NWD1: variants seen among roughly 807,000 people sequenced by gnomAD.
NWD1 encodes the protein NACHT and WD repeat domain containing 1, also known as NACHT domain- and WD repeat-containing protein 1.
A neutral mutation model predicts 135.1 loss-of-function variants in NWD1; 129 were observed. That is an observed-to-expected ratio of 0.96 (90% CI 0.83 to 1.11). NWD1 has a LOEUF of 1.11. NWD1 is among the 50% of genes least tolerant of loss of function. The pLI, the probability that NWD1 is intolerant of heterozygous loss-of-function variation, is 0.00. For missense variants in NWD1, 1,740 were observed against 1,851.3 expected (o/e 0.94, Z 1.10); for synonymous variants, 773 against 786.0 (o/e 0.98, Z 0.28).
Position 16,761,991 on chromosome 19 carries a change from G to A in NWD1, c.1986G>A (p.Glu662=). The A allele has an allele frequency of 6.2e-7, 1 of 1,614,006 alleles. No individual in the cohort carries two copies. Among genetic ancestry groups the A allele is most frequent in the Non-Finnish European group, 8.5e-7 (1 of 1,179,944 alleles). Residue 662 remains glutamate (E), a synonymous_variant, in exon 8 of 19, where the codon GAG becomes GAA. Coordinates refer to ENST00000524140, the MANE Select transcript of NWD1 (RefSeq NM_001007525.5). ...ACCCTCTCTGTAGACAGCTGGTCGA[G>A]GTGGTCCGTGAGCGCTACCTGTCAG... ...LLAIAHRQLV[E]VVRERYLSGS... is the part of the protein sequence containing the mutation.
intron 3 of NWD1, among the ~76,000 whole-genome samples, chr19:16,734,956 G>T (rs890141130): frequency 4.6e-5 from 7 of 151,806 alleles, no homozygotes; most frequent in Non-Finnish European, 1.0e-4. Context: ...TAGAGATGAG[G>T]TCTTGCTACA....
chr19:16,767,692 C>G (rs1969275446), intron 10 of NWD1, among the ~76,000 whole-genome samples: 1 of 152,004 alleles, frequency 6.6e-6, no homozygotes, highest in South Asian at 2.1e-4. Flanking sequence ...CCCCCATGAT[C>G]CAATCACCTC....
chr19:16,730,534 T>C (rs1049105376), intron 2 of NWD1, among the ~76,000 whole-genome samples: 1 of 151,732 alleles, frequency 6.6e-6, no homozygotes, highest in African/African-American at 2.4e-5. Flanking sequence ...GAAAACATAG[T>C]GAGACTCCTT....
At chr19:16,802,137 A>G (rs1373117998) in intron 17 of NWD1, among the ~76,000 whole-genome samples, 1 of 151,918 alleles carries the variant, frequency 6.6e-6, no homozygotes, top group Non-Finnish European at 1.5e-5. Context: ...TACAAAAATT[A>G]GCCGGACGTG....
chr19:16,775,011 C>T (rs1157119489), intron 11 of NWD1, among the ~76,000 whole-genome samples: 1 of 152,130 alleles, frequency 6.6e-6, no homozygotes. Context: ...CCTCCATTCA[C>T]CCATCTATTT....
At chr19:16,778,494 C>CTTCTTTTTTTTTTTTTTTTTTTTT (rs200410922) in intron 11 of NWD1, among the ~76,000 whole-genome samples, 1 of 107,566 alleles carries the variant, frequency 9.3e-6, no homozygotes, top group African/African-American at 4.8e-5. Context: ...TCTTCTTCTT[C>CTTCTTTTTTTTTTTTTTTTTTTTT]TTTTTTTTTT....
rs756671245 is a variant in NWD1, at chr19:16,749,471, GTCCTC to G, written c.830_834del (p.Val277AspfsTer5). On this transcript the variant is annotated frameshift_variant, in exon 6 of 19. Transcript: ENST00000524140. LOFTEE classifies it high-confidence loss of function. ...GTTTGTGGTGAGGGCCAATCACCAG[GTCCTC>G]ACACGCCTCCGTGAGCTGGATACGG... 1 of 1,612,486 alleles carries G rather than the reference GTCCTC, an allele frequency of 6.2e-7. No individual in the cohort carries two copies. Among genetic ancestry groups the G allele is most frequent in the Admixed American group, 1.7e-5 (1 of 59,964 alleles).
At chr19:16,772,365 T>TA (rs1397076139) in intron 10 of NWD1, among the ~76,000 whole-genome samples, 1 of 151,338 alleles carries the variant, frequency 6.6e-6, no homozygotes, top group Non-Finnish European at 1.5e-5. Flanking sequence ...ACCCTGTCTC[T>TA]AAAAAAATAA....
At chr19:16,745,858 A>G (rs1156718108) in intron 5 of NWD1, among the ~76,000 whole-genome samples, 1 of 152,110 alleles carries the variant, frequency 6.6e-6, no homozygotes, top group Admixed American at 6.6e-5. Flanking sequence ...TGGAGGCTGC[A>G]TTGAGCTATG....
At position 16,789,114 on chromosome 19, in the gene NWD1, A is replaced by T; in HGVS notation, c.2864A>T (p.Asn955Ile). The T allele has an allele frequency of 6.2e-7, 1 of 1,614,006 alleles. No homozygotes were observed. Among genetic ancestry groups the T allele is most frequent in the Non-Finnish European group, 8.5e-7 (1 of 1,179,940 alleles). ...KFTIWDGGSK[N>I]PAEPQIWNLH... ...ACCATTTGGGATGGAGGCTCAAAAA[A>T]TCCCGCTGAACCTCAGATCTGGAAC... Residue 955 changes from asparagine (N) to isoleucine (I), a missense_variant, in exon 13 of 19, where the codon AAT becomes ATT. By Grantham distance (149) the Asn-to-Ile change is moderately radical (BLOSUM62 -3). Coordinates refer to ENST00000524140, the MANE Select transcript of NWD1 (RefSeq NM_001007525.5).
chr19:16,721,226 G>A (rs1320594093), intron 1 of NWD1, among the ~76,000 whole-genome samples: 2 of 151,914 alleles, frequency 1.3e-5, no homozygotes, highest in African/African-American at 4.8e-5. Context: ...GGTGGGGGCC[G>A]GAAATGCTTT....
chr19:16,723,481 A>C (rs1015328630), intron 1 of NWD1, among the ~76,000 whole-genome samples: 1 of 151,208 alleles, frequency 6.6e-6, no homozygotes, highest in Non-Finnish European at 1.5e-5. Flanking sequence ...GGCCCTGGAT[A>C]ATTTTTTTAT....
intron 4 of NWD1, among the ~76,000 whole-genome samples, chr19:16,740,642 A>ATTTTTTTTTTTT (rs1162769783): frequency 8.9e-6 from 1 of 112,968 alleles, no homozygotes; most frequent in African/African-American, 3.5e-5. Flanking sequence ...CCAGACTTCT[A>ATTTTTTTTTTTT]TTTTTTTTTT....
At chr19:16,746,740 A>G (rs1968338075) in intron 5 of NWD1, among the ~76,000 whole-genome samples, 1 of 152,188 alleles carries the variant, frequency 6.6e-6, no homozygotes, top group Non-Finnish European at 1.5e-5. Flanking sequence ...TCTATCTATC[A>G]TATCCTGTTT....
At chr19:16,723,750 G>A (rs1370807530) in intron 1 of NWD1, among the ~76,000 whole-genome samples, 1 of 151,976 alleles carries the variant, frequency 6.6e-6, no homozygotes, top group Non-Finnish European at 1.5e-5. Flanking sequence ...CCAAGGCTGG[G>A]TGTGGTGTGA....
intron 4 of NWD1, among the ~76,000 whole-genome samples, chr19:16,742,880 C>T (rs1027847281): frequency 2.6e-5 from 3 of 113,264 alleles, no homozygotes; most frequent in African/African-American, 1.0e-4. Flanking sequence ...CACTATGTTG[C>T]CTATTATTAT....
chr19:16,773,399 G>T, intron 11 of NWD1, 76 bp downstream of exon 11: 2 of 1,312,442 alleles, frequency 1.5e-6, no homozygotes, highest in Admixed American at 4.0e-5. Context: ...GGTGTTTGAG[G>T]TTGTCCTCTG....
rs142427139 is a variant in NWD1 at position 16,749,935 on chromosome 19, T to A, written c.1293T>A (p.Ser431=). 38 of 1,613,528 alleles carry A rather than the reference T, an allele frequency of 2.4e-5. No individual in the cohort carries two copies. The highest frequency in any genetic ancestry group is 3.1e-5 in the Non-Finnish European group (36 of 1,180,012). The change falls in exon 6 of 19, where the codon TCT becomes TCA. Residue 431 remains serine (S), a synonymous_variant. Transcript: ENST00000524140. The part of the protein sequence containing the change: ...LHTVSCRNFE[S]LVLLLDAMDD... Reference sequence around the variant, plus strand: ...CTGTCTCTTGCAGAAACTTCGAGTCTCTCGTGCTCCTGCTGGATGCTATGG... The same window carrying A: ...CTGTCTCTTGCAGAAACTTCGAGTCACTCGTGCTCCTGCTGGATGCTATGG...
intron 10 of NWD1, among the ~76,000 whole-genome samples, chr19:16,765,618 A>G (rs1969193815): frequency 6.6e-6 from 1 of 152,130 alleles, no homozygotes; most frequent in Non-Finnish European, 1.5e-5. Flanking sequence ...ATAGATAGAC[A>G]TGAGCCATGG....
Sources: gnomAD v4.1 joint callset for allele counts (sites outside exome capture counted in the v4.1 genomes callset) on GRCh38, gnomAD v4.1.1 for gene constraint, MANE v1.5 for transcripts, NCBI Gene and HGNC (gene_info 2026-07-23, HGNC 2026-07-21) for gene names.